CNTNAP2: variants seen among roughly 807,000 people sequenced by gnomAD.
CNTNAP2 encodes the protein contactin associated protein 2, also known as contactin-associated protein-like 2.
Under a neutral mutation model 155.2 loss-of-function variants are expected in CNTNAP2, and 98 were observed. The ratio of observed to expected loss-of-function variants is 0.63; its 90% CI spans 0.54 to 0.75. CNTNAP2 has a LOEUF of 0.75. CNTNAP2 is among the 30% of genes least tolerant of loss of function. The pLI is 0.00. For synonymous variants in CNTNAP2, 651 were observed against 631.2 expected (o/e 1.03, Z -0.47); for missense variants, 1,727 against 1,688.1 (o/e 1.02, Z -0.40).
chr7:146,269,004 A>G (rs771054144), intron 1 of CNTNAP2, among the ~76,000 whole-genome samples: 1 of 152,142 alleles, frequency 6.6e-6, no homozygotes, highest in African/African-American at 2.4e-5. Context: ...GGCCTCTAAC[A>G]GAGATTCTTC....
intron 5 of CNTNAP2, among the ~76,000 whole-genome samples, chr7:147,109,048 A>T (rs1297669066): frequency 6.6e-6 from 1 of 152,170 alleles, no homozygotes; most frequent in Non-Finnish European, 1.5e-5. Context: ...AATTGTTTAG[A>T]TATTATTTTT....
At chr7:146,790,822 G>T (rs1433108850) in intron 2 of CNTNAP2, among the ~76,000 whole-genome samples, 1 of 151,942 alleles carries the variant, frequency 6.6e-6, no homozygotes, top group East Asian at 1.9e-4. Context: ...GCCCACCTCG[G>T]CCTCCCAAAG....
intron 15 of CNTNAP2, among the ~76,000 whole-genome samples, chr7:147,983,824 C>T (rs974527101): frequency 6.6e-6 from 1 of 152,152 alleles, no homozygotes. Flanking sequence ...GATGAAGTCT[C>T]CTAGGTGGCT....
At chr7:147,556,610 A>T (rs1342113936) in intron 11 of CNTNAP2, among the ~76,000 whole-genome samples, 1 of 152,266 alleles carries the variant, frequency 6.6e-6, no homozygotes, top group East Asian at 1.9e-4. Flanking sequence ...AGCTTTGAAG[A>T]TGGGGGACTG....
At chr7:146,299,371 A>T (rs973437702) in intron 1 of CNTNAP2, among the ~76,000 whole-genome samples, 9 of 152,106 alleles carry the variant, frequency 5.9e-5, no homozygotes, top group African/African-American at 2.2e-4. Context: ...CAAAATTATA[A>T]AGCAGAAAAA....
chr7:148,260,152 T>C (rs572479927), intron 20 of CNTNAP2, among the ~76,000 whole-genome samples: 5 of 152,320 alleles, frequency 3.3e-5, no homozygotes, highest in African/African-American at 1.2e-4. Context: ...CTTAGGCTTT[T>C]CATGTTAAGC....
chr7:148,337,765 C>T (rs569899277), intron 21 of CNTNAP2, among the ~76,000 whole-genome samples: 2 of 152,282 alleles, frequency 1.3e-5, no homozygotes, highest in East Asian at 1.9e-4. Context: ...ATTGGACTTT[C>T]GGGACACTTC....
rs112414971 is a variant in CNTNAP2 at position 146,441,101 on chromosome 7, G to A, written c.97+324128G>A. Among the ~76,000 whole-genome samples, 148 of 151,624 alleles carry A rather than the reference G, an allele frequency of 9.8e-4. 8 individuals carry two copies. The highest frequency in any genetic ancestry group is 3.4e-3 in the Middle Eastern group (1 of 294). ...AGTTGAAGATTTTGGAGAGATGAAC[G>A]AGGTGATCAGAGGATACATTCAATA... On this transcript the variant is annotated intron_variant, in intron 1 of 23. Transcript: ENST00000361727.
intron 1 of CNTNAP2, among the ~76,000 whole-genome samples, chr7:146,757,146 C>T (rs1267072973): frequency 6.6e-6 from 1 of 152,034 alleles, no homozygotes; most frequent in African/African-American, 2.4e-5. Context: ...GACAGTGATC[C>T]ACTTGTGTTA....
chr7:147,663,289 C>T (rs1049842465), intron 13 of CNTNAP2, among the ~76,000 whole-genome samples: 1 of 152,232 alleles, frequency 6.6e-6, no homozygotes, highest in African/African-American at 2.4e-5. Flanking sequence ...AGCCACCGTG[C>T]CCAGCTGAAT....
rs893414988 is a variant in CNTNAP2, at chr7:147,048,017, A to AT, written c.550+3964dup. Among the ~76,000 whole-genome samples the AT allele has an allele frequency of 4.7e-4, 71 of 151,926 alleles. 1 individual carries two copies. Among genetic ancestry groups the AT allele is most frequent in the Admixed American group, 4.7e-3 (71 of 15,258 alleles). Reference sequence around the variant, plus strand: ...CTTTATTCTTGGAAGTTGTAAGCATATAAGTATTTGCAGATGTGACTAAGT... The same window carrying AT: ...CTTTATTCTTGGAAGTTGTAAGCATATTAAGTATTTGCAGATGTGACTAAGT... On this transcript the variant is annotated intron_variant, in intron 4 of 23. Transcript: ENST00000361727.
intron 8 of CNTNAP2, among the ~76,000 whole-genome samples, chr7:147,190,108 C>G (rs1167431397): frequency 2.6e-5 from 4 of 152,072 alleles, no homozygotes; most frequent in Non-Finnish European, 5.9e-5. Context: ...TATATTCAGT[C>G]CATTGTCTGG....
chr7:147,378,892 C>T (rs1796486459), intron 9 of CNTNAP2, among the ~76,000 whole-genome samples: 1 of 151,900 alleles, frequency 6.6e-6, no homozygotes, highest in Non-Finnish European at 1.5e-5. Context: ...GTGTTCCCAC[C>T]CAAATCTCAT....
At chr7:148,067,457 T>C (rs1803289451) in intron 15 of CNTNAP2, among the ~76,000 whole-genome samples, 1 of 152,242 alleles carries the variant, frequency 6.6e-6, no homozygotes, top group Admixed American at 6.5e-5. Context: ...TGATCTGTCT[T>C]CAGGTCTCTC....
intron 14 of CNTNAP2, among the ~76,000 whole-genome samples, chr7:147,962,015 A>G (rs1025539094): frequency 1.3e-5 from 2 of 151,618 alleles, no homozygotes; most frequent in Non-Finnish European, 2.9e-5. Context: ...CTGATGTGCT[A>G]TGATGGGGAA....
intron 8 of CNTNAP2, among the ~76,000 whole-genome samples, chr7:147,275,240 T>C (rs1804869334): frequency 6.6e-6 from 1 of 152,170 alleles, no homozygotes; most frequent in Non-Finnish European, 1.5e-5. Context: ...ATCTGTAGAT[T>C]GCTTTGGGGC....
intron 1 of CNTNAP2, among the ~76,000 whole-genome samples, chr7:146,646,366 A>G (rs1245426095): frequency 6.6e-6 from 1 of 152,186 alleles, no homozygotes; most frequent in African/African-American, 2.4e-5. Context: ...GTGTATATAA[A>G]TTAGAACAAG....
At chr7:146,628,024 T>C (rs1161636957) in intron 1 of CNTNAP2, among the ~76,000 whole-genome samples, 1 of 152,132 alleles carries the variant, frequency 6.6e-6, no homozygotes. Flanking sequence ...TATTATAGTA[T>C]AATTTTACCC....
chr7:146,388,719 T>G (rs547524010), intron 1 of CNTNAP2, among the ~76,000 whole-genome samples: 1 of 152,286 alleles, frequency 6.6e-6, no homozygotes, highest in East Asian at 1.9e-4. Flanking sequence ...CCTATTATTT[T>G]TTTGTACCTG....
Sources: allele counts gnomAD v4.1 joint callset (sites outside exome capture counted in the v4.1 genomes callset), GRCh38; gene constraint gnomAD v4.1.1; transcripts MANE v1.5; gene names NCBI Gene and HGNC (gene_info 2026-07-23, HGNC 2026-07-21).